Variants in XYLB observed in about 807,000 individuals in gnomAD.
XYLB encodes the protein xylulokinase.
A neutral mutation model predicts 78.7 loss-of-function variants in XYLB; 62 were observed. The ratio of observed to expected loss-of-function variants is 0.79; its 90% CI spans 0.64 to 0.97. The LOEUF is 0.97. XYLB is among the 50% of genes least tolerant of loss of function. The pLI, the probability that XYLB is intolerant of heterozygous loss-of-function variation, is 0.00. For synonymous variants in XYLB, 245 were observed against 247.4 expected (o/e 0.99, Z 0.09); for missense variants, 687 against 676.8 (o/e 1.02, Z -0.17).
At chr3:38,423,458 G>A (rs1709040561), downstream of XYLB, among the ~76,000 whole-genome samples, 1 of 152,344 alleles carries the variant, frequency 6.6e-6, no homozygotes, top group Admixed American at 6.5e-5. Context: ...ACCTATGGGA[G>A]CATTGCAGCC....
chr3:38,427,441 C>T, the XYLB span, among the ~76,000 whole-genome samples: 1 of 152,164 alleles, frequency 6.6e-6, no homozygotes, highest in Non-Finnish European at 1.5e-5. Context: ...AAAGAATTCC[C>T]TTTCATTTCT....
chr3:38,375,685 A>T (rs572326248), intron 12 of XYLB, among the ~76,000 whole-genome samples: 25 of 152,262 alleles, frequency 1.6e-4, no homozygotes, highest in African/African-American at 5.8e-4. Context: ...CATGGAAGGG[A>T]CATGCTCTGT....
downstream of XYLB, among the ~76,000 whole-genome samples, chr3:38,420,679 C>A (rs1708948936): frequency 1.3e-5 from 2 of 151,956 alleles, no homozygotes. Flanking sequence ...TTTTGTACTT[C>A]TTTTTGTGTC....
At chr3:38,388,018 C>T (rs781244536) in intron 15 of XYLB, among the ~76,000 whole-genome samples, 7 of 152,052 alleles carry the variant, frequency 4.6e-5, no homozygotes, top group Admixed American at 1.3e-4. Flanking sequence ...TTTAAAAGTA[C>T]GGTGTTGACT....
chr3:38,346,903 G>A lies in XYLB; in HGVS notation c.35G>A (p.Gly12Asp). ...AEHAPRRCCL[G>D]WDFSTQQVKV... ...CACGCCCCTCGCCGCTGCTGCCTGGGCTGGGACTTCAGCACGCAGCAGGTA... is the reference window on the plus strand; with the variant it reads ...CACGCCCCTCGCCGCTGCTGCCTGGACTGGGACTTCAGCACGCAGCAGGTA... The change falls in exon 1 of 19, where the codon GGC (glycine) becomes GAC (aspartate). Residue 12 changes from glycine to aspartate, a missense_variant. By Grantham distance (94) the Gly-to-Asp change is moderately conservative. Transcript: ENST00000207870. 1 of 1,518,080 alleles carries A rather than the reference G, an allele frequency of 6.6e-7. No homozygotes were observed. Among genetic ancestry groups the A allele is most frequent in the South Asian group, 1.2e-5 (1 of 80,650 alleles). 94.0% of individuals were successfully genotyped at this position (1,518,080 alleles called of 1,614,324 possible). A position where few individuals can be genotyped will look rare whatever the true frequency, so the allele number is the denominator to read the frequency against.
At chr3:38,376,333 G>GAGAAGTCC in intron 13 of XYLB, 101 bp downstream of exon 13, 1 of 785,030 alleles carries the variant, frequency 1.3e-6, no homozygotes, top group Non-Finnish European at 2.3e-6. Flanking sequence ...GAGGGCCGTG[G>GAGAAGTCC]AGAAGTCCAG....
rs1018622867 is a variant in XYLB at position 38,347,158 on chromosome 3, G to T, written c.57+233G>T. 3.3e-5 allele frequency among the ~76,000 whole-genome samples: 5 copies of T among 152,280 alleles called. 1 individual carries two copies. In the South Asian group the frequency reaches 1.0e-3, roughly 32 times the overall value. On this transcript the variant is annotated intron_variant, in intron 1 of 18. Coordinates refer to ENST00000207870, the MANE Select transcript of XYLB (RefSeq NM_005108.4). ...GCTCGCAAGATGCGGCCTCGACCCCGCCTGGACCCAGCTACCCCAGGAAAC... is the reference window on the plus strand; with the variant it reads ...GCTCGCAAGATGCGGCCTCGACCCCTCCTGGACCCAGCTACCCCAGGAAAC...
chr3:38,387,087 A>T (rs1707413397), intron 15 of XYLB, among the ~76,000 whole-genome samples: 1 of 152,102 alleles, frequency 6.6e-6, no homozygotes, highest in Non-Finnish European at 1.5e-5. Context: ...CAGCAGTTTG[A>T]TTATGATATA....
chr3:38,416,514 G>A (rs142679618), downstream of XYLB, among the ~76,000 whole-genome samples: 823 of 152,150 alleles, frequency 5.4e-3, 1 homozygote, highest in African/African-American at 8.0e-3. Context: ...CATGTGAAAG[G>A]ACTTACCTAT....
intron 2 of XYLB, among the ~76,000 whole-genome samples, chr3:38,352,338 A>T (rs1341523897): frequency 6.6e-6 from 1 of 152,194 alleles, no homozygotes; most frequent in Non-Finnish European, 1.5e-5. Flanking sequence ...TACACAATGG[A>T]ATACTACACA....
intron 14 of XYLB, among the ~76,000 whole-genome samples, chr3:38,378,308 T>A (rs1706968768): frequency 6.6e-6 from 1 of 152,226 alleles, no homozygotes; most frequent in Non-Finnish European, 1.5e-5. Flanking sequence ...AACCAGCAGA[T>A]ATGTATGATT....
At chr3:38,388,151 AGGT>A (rs1407776453) in intron 15 of XYLB, among the ~76,000 whole-genome samples, 1 of 139,390 alleles carries the variant, frequency 7.2e-6, no homozygotes, top group Non-Finnish European at 1.5e-5. Context: ...AGTGCGGGTG[AGGT>A]GGTGGTTTTT....
chr3:38,419,795 A>G (rs1265229301), downstream of XYLB, among the ~76,000 whole-genome samples: 4 of 151,444 alleles, frequency 2.6e-5, no homozygotes, highest in African/African-American at 7.3e-5. Context: ...AGTTTATGGT[A>G]TATGGAATTA....
intron 18 of XYLB, 28 bp downstream of exon 18, chr3:38,401,013 G>A (rs2234628): frequency 0.055 from 88,598 of 1,605,924 alleles, 3,525 homozygotes; most frequent in Admixed American, 0.18. Flanking sequence ...TTTGTTTGTA[G>A]CATTTGCATT....
intron 18 of XYLB, among the ~76,000 whole-genome samples, chr3:38,411,798 A>C (rs528752271): frequency 3.3e-5 from 5 of 151,994 alleles, no homozygotes; most frequent in Non-Finnish European, 7.4e-5. Flanking sequence ...TGCTTGGGAA[A>C]CTGCATCTGA....
the XYLB span, among the ~76,000 whole-genome samples, chr3:38,433,221 C>G: frequency 1.3e-5 from 2 of 152,230 alleles, no homozygotes; most frequent in African/African-American, 2.4e-5. Context: ...GCTGAAGCAG[C>G]TGGGATGTAA....
chr3:38,374,728 G>A (rs1229711976), intron 11 of XYLB, among the ~76,000 whole-genome samples: 1 of 152,142 alleles, frequency 6.6e-6, no homozygotes, highest in Non-Finnish European at 1.5e-5. Flanking sequence ...TTGCTAGATG[G>A]GCAGGACCCC....
At chr3:38,392,549 G>T (rs141417067) in intron 15 of XYLB, among the ~76,000 whole-genome samples, 2 of 151,970 alleles carry the variant, frequency 1.3e-5, no homozygotes, top group Non-Finnish European at 2.9e-5. Flanking sequence ...CACCCGTCTC[G>T]GTCTCCCAAA....
At chr3:38,429,675 T>A in the XYLB span, among the ~76,000 whole-genome samples, 2 of 152,208 alleles carry the variant, frequency 1.3e-5, no homozygotes, top group Non-Finnish European at 2.9e-5. Context: ...TCATTTACAT[T>A]GGGTATTTCT....
Sources: gnomAD v4.1 joint callset for allele counts (sites outside exome capture counted in the v4.1 genomes callset) on GRCh38, gnomAD v4.1.1 for gene constraint, MANE v1.5 for transcripts, NCBI Gene and HGNC (gene_info 2026-07-23, HGNC 2026-07-21) for gene names.